Variants in PTPRG observed in about 807,000 individuals in gnomAD.
PTPRG encodes receptor-type tyrosine-protein phosphatase gamma.
In PTPRG, 102 loss-of-function variants were observed where a neutral mutation model predicts 165.3. The observed-to-expected ratio is 0.62, with a 90% CI of 0.53 to 0.73. The LOEUF (loss-of-function observed/expected upper bound fraction) is 0.73. Among genes scored for constraint, PTPRG ranks in the 30% least tolerant of loss-of-function variants. PTPRG has a pLI of 0.00. For synonymous variants in PTPRG, 675 were observed against 669.5 expected (o/e 1.01, Z -0.13); for missense variants, 1,866 against 1,861.4 (o/e 1.00, Z -0.05).
rs541062502 is a variant in PTPRG at position 61,682,465 on chromosome 3, T to A, written c.86-66413T>A. 3.3e-5 allele frequency among the ~76,000 whole-genome samples: 5 copies of A among 152,316 alleles called. No homozygotes were observed. The South Asian group carries it at 1.0e-3, about 32-fold the overall frequency. ...GGGTGATGGGGACATAGGCATTTGT[T>A]GTAAAGTTAAACATAAAAAAGTTTT... is the stretch of plus-strand genomic sequence containing the variant. On this transcript the variant is annotated intron_variant, in intron 1 of 29. Transcript: ENST00000474889.
chr3:61,912,148 A>G (rs2038816994), intron 2 of PTPRG, among the ~76,000 whole-genome samples: 1 of 152,092 alleles, frequency 6.6e-6, no homozygotes, highest in Non-Finnish European at 1.5e-5. Flanking sequence ...ATTTCCTTCT[A>G]AGAGTATTCC....
At chr3:61,826,537 C>T (rs2036118621) in intron 2 of PTPRG, among the ~76,000 whole-genome samples, 3 of 151,850 alleles carry the variant, frequency 2.0e-5, no homozygotes, top group South Asian at 2.1e-4. Flanking sequence ...AAAAAAAATC[C>T]GATGTTTGTA....
At chr3:61,709,019 T>C (rs2031414169) in intron 1 of PTPRG, among the ~76,000 whole-genome samples, 2 of 152,370 alleles carry the variant, frequency 1.3e-5, no homozygotes, top group South Asian at 4.1e-4. Flanking sequence ...ACAATGCAGC[T>C]AGCTGCAGGT....
In PTPRG at chr3:61,726,587, G is replaced by T. The variant is rs2032266893; in HGVS notation, c.86-22291G>T. Reference sequence around the variant, plus strand: ...ATTTTATAATCCATTAAACACTGCTGATAGAATTATATCTTCTCCAATGCA... The same window carrying T: ...ATTTTATAATCCATTAAACACTGCTTATAGAATTATATCTTCTCCAATGCA... On this transcript the variant is annotated intron_variant, in intron 1 of 29. Coordinates refer to ENST00000474889, the MANE Select transcript of PTPRG (RefSeq NM_002841.4). 2.0e-5 allele frequency among the ~76,000 whole-genome samples: 3 copies of T among 152,312 alleles called. No homozygotes were observed. The South Asian group carries it at 6.2e-4, about 32-fold the overall frequency.
chr3:61,956,831 T>G (rs78571726), intron 2 of PTPRG, among the ~76,000 whole-genome samples: 1 of 152,330 alleles, frequency 6.6e-6, no homozygotes, highest in East Asian at 1.9e-4. Context: ...ATTGGCTCTT[T>G]AGCTATTTCC....
At chr3:62,128,314 T>C (rs17066150) in intron 5 of PTPRG, among the ~76,000 whole-genome samples, 7,140 of 152,162 alleles carry the variant, frequency 0.047, 370 homozygotes, top group African/African-American at 0.14. Flanking sequence ...CCTTTGATCT[T>C]AAAGTGGAAG....
At chr3:62,039,246 T>G (rs63543364) in intron 4 of PTPRG, among the ~76,000 whole-genome samples, 3 of 58,626 alleles carry the variant, frequency 5.1e-5, no homozygotes, top group Middle Eastern at 8.5e-3. Context: ...AGAGTTATGG[T>G]TTTTTTTTTT....
rs534773961 is a variant in PTPRG, at chr3:61,806,273, G to T, written c.190+57291G>T. Among the ~76,000 whole-genome samples the T allele has an allele frequency of 1.4e-4, 21 of 152,244 alleles. 1 individual carries two copies. Among genetic ancestry groups the T allele is most frequent in the Admixed American group, 4.6e-4 (7 of 15,288 alleles). On this transcript the variant is annotated intron_variant, in intron 2 of 29. Transcript: ENST00000474889. ...ATTGAATGATCTTAGAATGAACCTT[G>T]TGGGAAATAATGTGTTGGCGAGAAA...
chr3:61,737,074 C>G (rs192579284), intron 1 of PTPRG, among the ~76,000 whole-genome samples: 1 of 152,108 alleles, frequency 6.6e-6, no homozygotes, highest in African/African-American at 2.4e-5. Context: ...TTTTTCCTGC[C>G]TCAACATCCT....
At chr3:61,648,467 A>C (rs1487575357) in intron 1 of PTPRG, among the ~76,000 whole-genome samples, 1 of 152,182 alleles carries the variant, frequency 6.6e-6, no homozygotes, top group African/African-American at 2.4e-5. Flanking sequence ...GGAAATGAAA[A>C]CTGGGCAGCA....
chr3:61,749,300 G>T (rs887019571), intron 2 of PTPRG: 8 of 399,088 alleles, frequency 2.0e-5, no homozygotes, highest in Middle Eastern at 8.2e-4. Flanking sequence ...TTCAGGGGCT[G>T]TGATTTCAGA....
chr3:61,676,471 A>AAAAAAAAAAAAAAAAAAAGAAAG (rs369505317), intron 1 of PTPRG, among the ~76,000 whole-genome samples: 3 of 99,100 alleles, frequency 3.0e-5, no homozygotes, highest in East Asian at 3.7e-4. Flanking sequence ...AAAAAAAAAA[A>AAAAAAAAAAAAAAAAAAAGAAAG]AAAGAAAATT....
At chr3:62,103,856 G>T (rs1185949138) in intron 5 of PTPRG, among the ~76,000 whole-genome samples, 1 of 152,162 alleles carries the variant, frequency 6.6e-6, no homozygotes. Context: ...ATGTAATTTT[G>T]CAGGTAGACC....
chr3:62,257,029 GA>G, intron 16 of PTPRG, among the ~76,000 whole-genome samples: 1 of 152,232 alleles, frequency 6.6e-6, no homozygotes, highest in Non-Finnish European at 1.5e-5. Flanking sequence ...GGGCAGGCAG[GA>G]AGGTGAAAGG....
rs562881996 is a variant in PTPRG, at chr3:62,203,413, A to G, written c.1618A>G (p.Thr540Ala). ...PSTVWPTRLPTAASASKQAAR... is the reference protein window; with the variant it reads ...PSTVWPTRLPAAASASKQAAR... ...CACTGTGTGGCCCACGCGCCTCCCG[A>G]CGGCCGCCTCAGCCAGCAAGCAGGC... The change falls in exon 12 of 30, where the codon ACG becomes GCG. Residue 540 changes from threonine (T) to alanine (A), a missense_variant. Physicochemically the swap from Thr to Ala is moderately conservative, Grantham distance 58. This residue lies in a region of PTPRG where 1,452 missense variants were observed against 1,463.0 expected (regional missense o/e 0.99). Coordinates refer to ENST00000474889, the MANE Select transcript of PTPRG (RefSeq NM_002841.4). This position sits in a 1 kb window ranked among gnomAD's most constrained non-coding sequence, Gnocchi z 6.4. The G allele has an allele frequency of 6.2e-7, 1 of 1,610,482 alleles. No homozygotes were observed. Among genetic ancestry groups the G allele is most frequent in the East Asian group, 2.2e-5 (1 of 44,706 alleles).
intron 3 of PTPRG, among the ~76,000 whole-genome samples, chr3:62,000,508 A>C (rs1331172518): frequency 1.3e-5 from 2 of 152,186 alleles, no homozygotes. Flanking sequence ...CCAGAGTCAC[A>C]TCCTTTTTGG....
chr3:62,180,414 CT>C (rs1420294384), intron 8 of PTPRG, among the ~76,000 whole-genome samples: 1 of 152,208 alleles, frequency 6.6e-6, no homozygotes, highest in East Asian at 1.9e-4. Context: ...TTTACCCACC[CT>C]AGCTCCGCAG....
chr3:61,819,541 G>T (rs751792959), intron 2 of PTPRG, among the ~76,000 whole-genome samples: 2 of 152,068 alleles, frequency 1.3e-5, no homozygotes, highest in East Asian at 1.9e-4. Context: ...CATCACAAAT[G>T]GGGGAGACAC....
chr3:61,872,106 T>C (rs2037601905), intron 2 of PTPRG, among the ~76,000 whole-genome samples: 1 of 152,202 alleles, frequency 6.6e-6, no homozygotes, highest in Non-Finnish European at 1.5e-5. Flanking sequence ...CAAAATGTCT[T>C]GTTATGGAAA....
Sources: gnomAD v4.1 joint callset for allele counts (sites outside exome capture counted in the v4.1 genomes callset) on GRCh38, gnomAD v4.1.1 for gene constraint, gnomAD v4.1.1 regional missense constraint, Gnocchi (gnomAD v3.1) non-coding constraint, MANE v1.5 for transcripts, NCBI Gene and HGNC (gene_info 2026-07-23, HGNC 2026-07-21) for gene names.